KDM2B: variants seen among roughly 807,000 people sequenced by gnomAD.
The protein encoded by KDM2B is lysine-specific demethylase 2B.
Under a neutral mutation model 150.0 loss-of-function variants are expected in KDM2B, and 26 were observed. That is an observed-to-expected ratio of 0.17 (90% CI 0.13 to 0.24). KDM2B has a LOEUF of 0.24. KDM2B is among the 10% of genes least tolerant of loss of function. The probability of loss-of-function intolerance (pLI) is 1.00; values close to 1 mark genes in which losing one functional copy is unlikely to be tolerated. For synonymous variants in KDM2B, 734 were observed against 729.5 expected, an observed-to-expected ratio of 1.01 and a Z score of -0.10; for missense variants, 1,265 against 1,816.9, an observed-to-expected ratio of 0.70 and a Z score of 5.52.
At chr12:121,425,619 C>T (rs1457708382), downstream of KDM2B, among the ~76,000 whole-genome samples, 3 of 152,166 alleles carry the variant, frequency 2.0e-5, no homozygotes, top group Non-Finnish European at 4.4e-5. Context: ...AAATTTTCTG[C>T]TTTTGAAGAT....
intron 4 of KDM2B, among the ~76,000 whole-genome samples, chr12:121,564,654 G>A (rs560131309): frequency 2.7e-4 from 41 of 152,040 alleles, no homozygotes; most frequent in African/African-American, 4.8e-4. Flanking sequence ...AACAATATGC[G>A]ATGTTCACTG....
intron 11 of KDM2B, among the ~76,000 whole-genome samples, chr12:121,497,638 TA>T (rs1884117814): frequency 6.6e-6 from 1 of 151,600 alleles, no homozygotes; most frequent in Non-Finnish European, 1.5e-5. Flanking sequence ...CCACAAATAC[TA>T]AAAGAGGGAC....
intron 11 of KDM2B, among the ~76,000 whole-genome samples, chr12:121,497,899 C>A (rs1884143741): frequency 6.6e-6 from 1 of 151,864 alleles, no homozygotes; most frequent in African/African-American, 2.4e-5. Flanking sequence ...GGAGTTAGAC[C>A]ATCCTGATCA....
At chr12:121,480,932 GTTT>G (rs71079072) in intron 12 of KDM2B, among the ~76,000 whole-genome samples, 1 of 135,402 alleles carries the variant, frequency 7.4e-6, no homozygotes, top group African/African-American at 2.8e-5. Context: ...TTTTTTTGTT[GTTT>G]TTTTTTTTTT....
chr12:121,475,302 T>A (rs1555296559), intron 12 of KDM2B, among the ~76,000 whole-genome samples: 4 of 150,996 alleles, frequency 2.6e-5, no homozygotes. Context: ...ATACCAAAAC[T>A]TGGAGGCCAG....
intron 13 of KDM2B, among the ~76,000 whole-genome samples, chr12:121,449,670 C>G (rs1488034392): frequency 6.6e-6 from 1 of 152,176 alleles, no homozygotes; most frequent in Non-Finnish European, 1.5e-5. Context: ...TTAGGTGACA[C>G]CGTTCTAAAA....
intron 4 of KDM2B, 108 bp downstream of exon 4, chr12:121,574,439 G>T (rs2136564255): frequency 1.0e-6 from 1 of 1,003,802 alleles, no homozygotes; most frequent in South Asian, 1.4e-5. Flanking sequence ...CTCCCGTGGG[G>T]ACTTTGTTTT....
intron 12 of KDM2B, among the ~76,000 whole-genome samples, chr12:121,463,753 T>C (rs1444485933): frequency 6.6e-6 from 1 of 152,198 alleles, no homozygotes; most frequent in African/African-American, 2.4e-5. Flanking sequence ...CTAATTTTTG[T>C]ACTTTTTTGT....
intron 4 of KDM2B, among the ~76,000 whole-genome samples, chr12:121,559,664 G>A (rs1411055252): frequency 6.6e-6 from 1 of 152,100 alleles, no homozygotes; most frequent in Non-Finnish European, 1.5e-5. Context: ...ACTTTGGGAG[G>A]CCGAGGCAGG....
intron 12 of KDM2B, among the ~76,000 whole-genome samples, chr12:121,485,689 G>A (rs1237491014): frequency 6.6e-6 from 1 of 152,038 alleles, no homozygotes; most frequent in East Asian, 1.9e-4. Context: ...TGATGAAAGG[G>A]TCCTGGAGAT....
chr12:121,483,822 A>G (rs1356461384), intron 12 of KDM2B, among the ~76,000 whole-genome samples: 2 of 152,130 alleles, frequency 1.3e-5, no homozygotes, highest in East Asian at 3.9e-4. Context: ...CAGGAATCGG[A>G]TGGCACCAAG....
rs1311729833 is a variant in KDM2B, at chr12:121,521,317, G to C, written c.932-217C>G. ...AGACTTGCAGCCTCGAGCAGCCACT[G>C]TCTGGCTCAAGTCAGGAGCTGGGAA... On this transcript the variant is annotated intron_variant, in intron 8 of 22. Transcript: ENST00000377071. The surrounding 1 kb of genome is among the most constrained non-coding windows in gnomAD (Gnocchi z 4.9). Among the ~76,000 whole-genome samples the C allele has an allele frequency of 6.6e-6, 1 of 152,172 alleles. No individual in the cohort carries two copies. The highest frequency in any genetic ancestry group is 2.1e-4 in the South Asian group (1 of 4,830).
intron 4 of KDM2B, among the ~76,000 whole-genome samples, chr12:121,550,630 A>T (rs1427278121): frequency 6.6e-6 from 1 of 152,158 alleles, no homozygotes; most frequent in Admixed American, 6.5e-5. Flanking sequence ...AATAGCTGGG[A>T]TTACAGGCAT....
At position 121,549,746 on chromosome 12, in the gene KDM2B, C is replaced by T; in HGVS notation, c.398-108G>A. Reference sequence around the variant, plus strand: ...CTGCTCCTCCACGTTTCCCCACAGTCCTCACCCCTCTTCCTCATCTGTTCA... The same window carrying T: ...CTGCTCCTCCACGTTTCCCCACAGTTCTCACCCCTCTTCCTCATCTGTTCA... On this transcript the variant is annotated intron_variant, in intron 4 of 22. Coordinates refer to ENST00000377071, the MANE Select transcript of KDM2B (RefSeq NM_032590.5). The surrounding 1 kb of genome is among the most constrained non-coding windows in gnomAD (Gnocchi z 4.4). 1.0e-6 allele frequency: 1 copy of T among 969,560 alleles called. No individual in the cohort carries two copies. Among genetic ancestry groups the T allele is most frequent in the Non-Finnish European group, 1.5e-6 (1 of 664,578 alleles). The allele number at this position is 969,560 out of a possible 1,614,324, so 60.1% of individuals were successfully genotyped here.
chr12:121,438,261 A>AT (rs1218519681), intron 22 of KDM2B, among the ~76,000 whole-genome samples: 1 of 151,968 alleles, frequency 6.6e-6, no homozygotes, highest in African/African-American at 2.4e-5. Flanking sequence ...CTCAAAAAAA[A>AT]AAAAAAAAGA....
intron 6 of KDM2B, among the ~76,000 whole-genome samples, chr12:121,548,484 A>T (rs1341143311): frequency 6.6e-6 from 1 of 152,206 alleles, no homozygotes; most frequent in Non-Finnish European, 1.5e-5. Flanking sequence ...AAACCAAAGC[A>T]TCCAATGTGG....
In KDM2B at chr12:121,456,707, G is replaced by A. The variant is rs557189625; in HGVS notation, c.1735-3363C>T. Among the ~76,000 whole-genome samples the A allele has an allele frequency of 5.9e-5, 9 of 152,272 alleles. No individual in the cohort carries two copies. In the South Asian group the frequency reaches 8.3e-4, roughly 14 times the overall value. ...GTTGGGCCAATCCAGTCTGAGTCTC[G>A]AAGCTCCTATGTCACTGCAAAACAA... On this transcript the variant is annotated intron_variant, in intron 12 of 22. Transcript: ENST00000377071.
chr12:121,442,756 G>A lies in KDM2B; in HGVS notation c.2685C>T (p.Asp895=). Residue 895 remains aspartate, a synonymous_variant, in exon 19 of 23, where the codon GAC becomes GAT. Coordinates refer to ENST00000377071, the MANE Select transcript of KDM2B (RefSeq NM_032590.5). The surrounding 1 kb of genome is among the most constrained non-coding windows in gnomAD (Gnocchi z 7.7). ...TCTTGGGGGGCGCCTCGGGCAGTTC[G>A]TCCTCGGGTTCCTGCTTGAAGCGCC... is the stretch of plus-strand genomic sequence containing the variant. ...PLRRFKQEPE[D]ELPEAPPKTR... is the part of the protein sequence containing the mutation. 1 of 1,550,700 alleles carries A rather than the reference G, an allele frequency of 6.4e-7. No homozygotes were observed. The highest frequency in any genetic ancestry group is 8.7e-7 in the Non-Finnish European group (1 of 1,154,384).
chr12:121,420,289 C>T, the KDM2B span: 34 of 1,592,832 alleles, frequency 2.1e-5, no homozygotes, highest in Non-Finnish European at 2.6e-5. Flanking sequence ...ATGATGACGA[C>T]GATGATGAGG....
Sources: allele counts gnomAD v4.1 joint callset (sites outside exome capture counted in the v4.1 genomes callset), GRCh38; gene constraint gnomAD v4.1.1; non-coding constraint Gnocchi (gnomAD v3.1); transcripts MANE v1.5; gene names NCBI Gene and HGNC (gene_info 2026-07-23, HGNC 2026-07-21).